The following BBS1 variants were observed in gnomAD, a reference collection of about 807,000 sequenced individuals.
BBS1 encodes BBSome complex member BBS1.
A neutral mutation model predicts 73.9 loss-of-function variants in BBS1; 60 were observed. That is an observed-to-expected ratio of 0.81 (90% CI 0.66 to 1.01). The LOEUF is 1.01. Among genes scored for constraint, BBS1 ranks in the 50% least tolerant of loss-of-function variants. The pLI is 0.00. For synonymous variants in BBS1, 283 were observed against 317.4 expected (o/e 0.89, Z 1.15); for missense variants, 718 against 770.3 (o/e 0.93, Z 0.80).
chr11:66,517,168 C>T (rs890311843), intron 7 of BBS1, among the ~76,000 whole-genome samples: 2 of 149,784 alleles, frequency 1.3e-5, no homozygotes, highest in African/African-American at 4.9e-5. Context: ...CACTGCACTC[C>T]AGCCTTGGTG....
At position 66,529,835 on chromosome 11, in the gene BBS1, C is replaced by T. The variant is rs2134830713; in HGVS notation, c.1356C>T (p.Phe452=). The change falls in exon 14 of 17, where the codon TTC becomes TTT. Residue 452 remains phenylalanine, a synonymous_variant. Coordinates refer to ENST00000318312, the MANE Select transcript of BBS1 (RefSeq NM_024649.5). The part of the protein sequence containing the change: ...REAGTAMHRA[F]QTDLYLLRLR... The stretch of plus-strand genomic sequence containing the variant: ...TCTCCACAGCCATGCACCGGGCCTT[C>T]CAGACAGACCTATACCTGCTGCGCC... The T allele has an allele frequency of 1.2e-6, 2 of 1,611,324 alleles. No individual in the cohort carries two copies. The highest frequency in any genetic ancestry group is 1.7e-6 in the Non-Finnish European group (2 of 1,179,988).
At chr11:66,526,267 G>A in intron 12 of BBS1, 75 bp downstream of exon 12, 25 of 1,461,816 alleles carry the variant, frequency 1.7e-5, no homozygotes, top group Non-Finnish European at 2.4e-5. Flanking sequence ...GGAAAGAGGA[G>A]GAGGTGGAAA....
At chr11:66,522,858 A>G in intron 9 of BBS1, 1 of 308,996 alleles carries the variant, frequency 3.2e-6, no homozygotes, top group South Asian at 2.8e-5. Flanking sequence ...GAAAAATAAC[A>G]GGTAAGGGTG....
chr11:66,517,961 TC>T (rs1167040439), intron 7 of BBS1, among the ~76,000 whole-genome samples: 2 of 150,572 alleles, frequency 1.3e-5, no homozygotes, highest in Admixed American at 6.6e-5. Context: ...TTTTTTCTTT[TC>T]TTTTTTTTTT....
At chr11:66,523,656 C>T (rs1000438556) in intron 10 of BBS1, 68 bp from the exon 11 acceptor site, 52 of 1,610,858 alleles carry the variant, frequency 3.2e-5, no homozygotes, top group Middle Eastern at 3.3e-4. Context: ...CTGGCTTCCC[C>T]ACCCCAGAAA....
intron 15 of BBS1, 131 bp from the exon 16 acceptor site, chr11:66,531,525 C>T (rs1370492734): frequency 2.5e-6 from 3 of 1,179,114 alleles, no homozygotes; most frequent in African/African-American, 1.5e-5. Context: ...CATCCTCCTC[C>T]ACCCAGCAGT....
Position 66,521,340 on chromosome 11 carries a change from C to T in BBS1, c.794C>T (p.Ala265Val), listed in dbSNP as rs372939761. 5.0e-5 allele frequency: 80 copies of T among 1,614,060 alleles called. No homozygotes were observed. Among genetic ancestry groups the T allele is most frequent in the South Asian group, 3.3e-4 (30 of 91,088 alleles). Residue 265 changes from alanine to valine, a missense_variant, in exon 9 of 17, where the codon GCG becomes GTG. Coordinates refer to ENST00000318312, the MANE Select transcript of BBS1 (RefSeq NM_024649.5). ...TTTGATGTTGAGTTCCGGCTTGCCG[C>T]GGCCTGCCGCAATGGAAACATCTAT... Reference protein sequence around the residue: ...GQFDVEFRLAAACRNGNIYIL... With the variant: ...GQFDVEFRLAVACRNGNIYIL...
intron 13 of BBS1, among the ~76,000 whole-genome samples, chr11:66,528,702 C>T (rs575153987): frequency 2.0e-5 from 3 of 152,160 alleles, no homozygotes; most frequent in Admixed American, 6.5e-5. Context: ...GGTGCGGTGG[C>T]TCACACCTGT....
In BBS1 at chr11:66,515,681, CT is replaced by C. The variant is rs777749704; in HGVS notation, c.480-9del. ...TTCCATTCGGCTGCCATGCTGGCCC[CT>C]TTCCTTGCAGGGAGACGGCAGAGGA... On this transcript the variant is annotated splice_polypyrimidine_tract_variant and intron_variant, in intron 5 of 16. Coordinates refer to ENST00000318312, the MANE Select transcript of BBS1 (RefSeq NM_024649.5). 1 of 1,614,242 alleles carries C rather than the reference CT, an allele frequency of 6.2e-7. No homozygotes were observed. The highest frequency in any genetic ancestry group is 8.5e-7 in the Non-Finnish European group (1 of 1,180,040).
chr11:66,519,522 C>T, intron 7 of BBS1, 95 bp from the exon 8 acceptor site: 3 of 1,555,972 alleles, frequency 1.9e-6, no homozygotes, highest in Non-Finnish European at 2.6e-6. Flanking sequence ...TCTTCATCCT[C>T]CTTTGCCCTC....
rs763382031 is a variant in BBS1, at chr11:66,519,662, G to A, written c.637G>A (p.Glu213Lys). 11 of 1,613,762 alleles carry A rather than the reference G, an allele frequency of 6.8e-6. No individual in the cohort carries two copies. The highest frequency in any genetic ancestry group is 9.3e-6 in the Non-Finnish European group (11 of 1,179,974). ...MTTLKKNLAD[E>K]DAVSCLVLGT... ...CACCTTGAAGAAGAACCTGGCTGAC[G>A]AGGATGCTGTGTCTTGCCTGGTGCT... is the stretch of plus-strand genomic sequence containing the variant. Residue 213 changes from glutamate to lysine, a missense_variant, in exon 8 of 17, where the codon GAG becomes AAG. Glu to Lys is a moderately conservative substitution (Grantham distance 56, BLOSUM62 1). Coordinates refer to ENST00000318312, the MANE Select transcript of BBS1 (RefSeq NM_024649.5).
chr11:66,529,306 C>T, intron 13 of BBS1: 1 of 1,536,044 alleles, frequency 6.5e-7, no homozygotes, highest in East Asian at 2.4e-5. Flanking sequence ...GTGACGGAGG[C>T]AGGACCATGA....
intron 11 of BBS1, among the ~76,000 whole-genome samples, chr11:66,525,781 A>G (rs551779066): frequency 2.7e-4 from 41 of 152,322 alleles, no homozygotes; most frequent in African/African-American, 9.9e-4. Context: ...AACAAAAGCC[A>G]TTGGAGGTTT....
intron 7 of BBS1, among the ~76,000 whole-genome samples, chr11:66,519,395 T>G (rs919472183): frequency 2.6e-5 from 4 of 152,080 alleles, no homozygotes; most frequent in African/African-American, 9.7e-5. Context: ...ACTGCATAGT[T>G]TTTGATCATA....
rs1221430526 is a variant in BBS1 at position 66,514,467 on chromosome 11, C to G, written c.221C>G (p.Pro74Arg). 1.2e-6 allele frequency: 2 copies of G among 1,614,050 alleles called. No individual in the cohort carries two copies. Among genetic ancestry groups the G allele is most frequent in the Admixed American group, 1.7e-5 (1 of 59,994 alleles). The stretch of plus-strand genomic sequence containing the variant: ...CCCCGCCTGAAGGTGCTCAAAGGAC[C>G]ACTGGTGATGACCGAAAGCCCGCTA... ...QQPRLKVLKG[P>R]LVMTESPLPA... Residue 74 changes from proline (P) to arginine (R), a missense_variant, in exon 4 of 17, where the codon CCA (proline) becomes CGA (arginine). Transcript: ENST00000318312.
At chr11:66,515,041 C>G (rs541528191) in intron 4 of BBS1, among the ~76,000 whole-genome samples, 21 of 152,176 alleles carry the variant, frequency 1.4e-4, no homozygotes, top group Non-Finnish European at 2.1e-4. Context: ...TGGTCTTGAA[C>G]TCCTGGCCTC....
At chr11:66,526,218 G>A (rs1856483203) in intron 12 of BBS1, 26 bp downstream of exon 12, 3 of 1,610,874 alleles carry the variant, frequency 1.9e-6, no homozygotes, top group East Asian at 4.5e-5. Context: ...CCTGGCAAGG[G>A]CTTTGAAGTC....
At chr11:66,517,829 TC>T (rs764610310) in intron 7 of BBS1, among the ~76,000 whole-genome samples, 4 of 152,016 alleles carry the variant, frequency 2.6e-5, no homozygotes, top group Non-Finnish European at 5.9e-5. Context: ...GGTCTCAAAC[TC>T]CTGATCTAAA....
chr11:66,517,229 A>G (rs1197682746), intron 7 of BBS1, among the ~76,000 whole-genome samples: 1 of 151,780 alleles, frequency 6.6e-6, no homozygotes, highest in Non-Finnish European at 1.5e-5. Flanking sequence ...AAAAAAAAAA[A>G]GAAAAACATT....
Sources: gnomAD v4.1 joint callset for allele counts (sites outside exome capture counted in the v4.1 genomes callset) on GRCh38, gnomAD v4.1.1 for gene constraint, MANE v1.5 for transcripts, NCBI Gene and HGNC (gene_info 2026-07-23, HGNC 2026-07-21) for gene names.